The following KDM7A variants were observed in gnomAD, a reference collection of about 807,000 sequenced individuals.
KDM7A encodes lysine-specific demethylase 7A.
Under a neutral mutation model 114.8 loss-of-function variants are expected in KDM7A, and 28 were observed. That is an observed-to-expected ratio of 0.24 (90% CI 0.18 to 0.33). The LOEUF (loss-of-function observed/expected upper bound fraction) is 0.33. Ranked by LOEUF, KDM7A falls within the 10% of genes least tolerant of loss-of-function variation. The pLI, the probability that KDM7A is intolerant of heterozygous loss-of-function variation, is 1.00. For synonymous variants in KDM7A, 423 were observed against 397.8 expected, an observed-to-expected ratio of 1.06 and a Z score of -0.75; for missense variants, 942 against 1,142.5, an observed-to-expected ratio of 0.82 and a Z score of 2.53.
intron 1 of KDM7A, among the ~76,000 whole-genome samples, chr7:140,173,925 A>G (rs1404950211): frequency 6.6e-6 from 1 of 152,148 alleles, no homozygotes; most frequent in Non-Finnish European, 1.5e-5. Flanking sequence ...GCACTTTGGG[A>G]GGCCGAGGTG....
rs78106954 is a variant in KDM7A at position 140,112,062 on chromosome 7, T to C, written c.1339-878A>G. Among the ~76,000 whole-genome samples the C allele has an allele frequency of 8.3e-3, 1,267 of 152,366 alleles. 15 individuals are homozygous for C. Among genetic ancestry groups the C allele is most frequent in the African/African-American group, 0.03 (1,232 of 41,590 alleles). Reference sequence around the variant, plus strand: ...AGTTTTGGCAACATATGCTTTGTTTTGTTTTTATCTTGTTAAACAGTTTTA... The same window carrying C: ...AGTTTTGGCAACATATGCTTTGTTTCGTTTTTATCTTGTTAAACAGTTTTA... On this transcript the variant is annotated intron_variant, in intron 10 of 19. Transcript: ENST00000397560.
chr7:140,175,782 C>T lies in KDM7A; in HGVS notation c.194+962G>A, dbSNP rs538483971. 9.4e-3 allele frequency among the ~76,000 whole-genome samples: 1,426 copies of T among 150,938 alleles called. 22 individuals carry two copies. Among genetic ancestry groups the T allele is most frequent in the African/African-American group, 0.034 (1,386 of 41,112 alleles). On this transcript the variant is annotated intron_variant, in intron 1 of 19. Transcript: ENST00000397560. Reference sequence around the variant, plus strand: ...GCGTCCGCCGCCGCCGCCAGCCGGCCCCGCAGCGTCCGCCCGGCCGACTCA... The same window carrying T: ...GCGTCCGCCGCCGCCGCCAGCCGGCTCCGCAGCGTCCGCCCGGCCGACTCA...
intron 2 of KDM7A, among the ~76,000 whole-genome samples, chr7:140,134,887 A>G (rs1818842256): frequency 6.6e-6 from 1 of 152,132 alleles, no homozygotes; most frequent in Non-Finnish European, 1.5e-5. Flanking sequence ...TCACAGTAAT[A>G]CAACAACATT....
chr7:140,138,246 T>C (rs1357596961), intron 2 of KDM7A, among the ~76,000 whole-genome samples: 3 of 151,940 alleles, frequency 2.0e-5, no homozygotes, highest in African/African-American at 7.3e-5. Flanking sequence ...AAGTCAAGGC[T>C]GCAGTGAGCT....
intron 1 of KDM7A, among the ~76,000 whole-genome samples, chr7:140,174,487 C>G (rs1794679829): frequency 6.6e-6 from 1 of 152,226 alleles, no homozygotes; most frequent in African/African-American, 2.4e-5. Flanking sequence ...AATTCTCCAT[C>G]AAATACCTGG....
intron 11 of KDM7A, among the ~76,000 whole-genome samples, chr7:140,110,853 T>A (rs1345594932): frequency 6.6e-6 from 1 of 152,228 alleles, no homozygotes; most frequent in Non-Finnish European, 1.5e-5. Context: ...TGATTTTTTT[T>A]AAGTATCCTA....
chr7:140,094,627 GTC>G (rs1818074999), intron 17 of KDM7A: 1 of 154,216 alleles, frequency 6.5e-6, no homozygotes, highest in East Asian at 1.9e-4. Context: ...AAAACAAAAA[GTC>G]ACCAATTCAT....
chr7:140,107,233 G>C (rs111510007), intron 11 of KDM7A, among the ~76,000 whole-genome samples: 1,595 of 152,022 alleles, frequency 0.01, 21 homozygotes, highest in African/African-American at 0.037. Flanking sequence ...CCTATTTGCC[G>C]GTATGTGTCT....
Position 140,085,942 on chromosome 7 carries a change from A to C in KDM7A, c.*5152T>G, listed in dbSNP as rs1817918000. The C allele has an allele frequency of 1.3e-5, 2 of 152,230 alleles. No homozygotes were observed. The highest frequency in any genetic ancestry group is 2.9e-5 in the Non-Finnish European group (2 of 68,038). The allele number at this position is 152,230 out of a possible 1,614,324, so 9.4% of individuals were successfully genotyped here. A position where few individuals can be genotyped will look rare whatever the true frequency, so the allele number is the denominator to read the frequency against. On this transcript the variant is annotated 3_prime_UTR_variant, in exon 20 of 20. Coordinates refer to ENST00000397560, the MANE Select transcript of KDM7A (RefSeq NM_030647.2). ...AAATACACCAAAGAAATATGAGAGTATGTCTGGGTTATTTTATGCCTGCAA... is the reference window on the plus strand; with the variant it reads ...AAATACACCAAAGAAATATGAGAGTCTGTCTGGGTTATTTTATGCCTGCAA...
Position 140,154,417 on chromosome 7 carries a change from C to G in KDM7A, c.195-15227G>C, listed in dbSNP as rs530308251. Among the ~76,000 whole-genome samples the G allele has an allele frequency of 2.1e-4, 32 of 151,018 alleles. No individual in the cohort carries two copies. In the South Asian group the frequency reaches 2.9e-3, roughly 14 times the overall value. On this transcript the variant is annotated intron_variant, in intron 1 of 19. Coordinates refer to ENST00000397560, the MANE Select transcript of KDM7A (RefSeq NM_030647.2). The stretch of plus-strand genomic sequence containing the variant: ...GCTAAGGTGGGAAGACTGCTTGAGC[C>G]CGGGAGTTTGAGGCTGTAGTGAGCT...
chr7:140,154,816 A>C (rs1356652507), intron 1 of KDM7A, among the ~76,000 whole-genome samples: 2 of 152,074 alleles, frequency 1.3e-5, no homozygotes, highest in Non-Finnish European at 2.9e-5. Context: ...CTTAGAAGCT[A>C]ATTTTCAGAC....
chr7:140,124,851 A>T (rs1490922977), intron 6 of KDM7A, 68 bp from the exon 7 acceptor site: 1 of 859,062 alleles, frequency 1.2e-6, no homozygotes, highest in Non-Finnish European at 1.8e-6. Context: ...ACATTGATGC[A>T]ATTTCTCAAT....
intron 9 of KDM7A, among the ~76,000 whole-genome samples, chr7:140,117,270 T>A (rs573257345): frequency 6.6e-6 from 1 of 152,374 alleles, no homozygotes; most frequent in South Asian, 2.1e-4. Flanking sequence ...CAGACCTCCA[T>A]GTTTCTGAAC....
intron 1 of KDM7A, among the ~76,000 whole-genome samples, chr7:140,169,594 C>A (rs867954452): frequency 6.6e-6 from 1 of 152,100 alleles, no homozygotes; most frequent in East Asian, 1.9e-4. Context: ...GGCGTGATCT[C>A]GGCTCACTGC....
At chr7:140,133,489 C>G (rs746778729) in intron 3 of KDM7A, 50 bp downstream of exon 3, 1 of 1,074,856 alleles carries the variant, frequency 9.3e-7, no homozygotes, top group Non-Finnish European at 1.4e-6. Context: ...CTCTATGAGA[C>G]GACATTCTTA....
chr7:140,136,398 A>G (rs1222371775), intron 2 of KDM7A, among the ~76,000 whole-genome samples: 2 of 152,244 alleles, frequency 1.3e-5, no homozygotes, highest in African/African-American at 4.8e-5. Flanking sequence ...CATGCTAACC[A>G]TAAAATCAGC....
At chr7:140,116,365 C>A (rs946775465) in intron 9 of KDM7A, among the ~76,000 whole-genome samples, 1 of 151,918 alleles carries the variant, frequency 6.6e-6, no homozygotes, top group Non-Finnish European at 1.5e-5. Context: ...ACAAACAATG[C>A]TGAGTAAAAG....
chr7:140,125,923 G>A (rs1182887023), intron 6 of KDM7A, among the ~76,000 whole-genome samples: 2 of 150,432 alleles, frequency 1.3e-5, no homozygotes, highest in African/African-American at 2.5e-5. Flanking sequence ...TTTATTTTTA[G>A]AGACAGGATC....
chr7:140,154,589 A>T (rs899265296), intron 1 of KDM7A, among the ~76,000 whole-genome samples: 2 of 152,100 alleles, frequency 1.3e-5, no homozygotes, highest in African/African-American at 4.8e-5. Context: ...TAAGAGAAAC[A>T]TAAGGGAGAC....
Sources: gnomAD v4.1 joint callset for allele counts (sites outside exome capture counted in the v4.1 genomes callset) on GRCh38, gnomAD v4.1.1 for gene constraint, MANE v1.5 for transcripts, NCBI Gene and HGNC (gene_info 2026-07-23, HGNC 2026-07-21) for gene names.